The following CPNE6 variants were observed in gnomAD, a reference collection of about 807,000 sequenced individuals.
CPNE6 encodes the protein copine 6, also known as copine-6.
A neutral mutation model predicts 71.5 loss-of-function variants in CPNE6; 33 were observed. The observed-to-expected ratio is 0.46, with a 90% confidence interval of 0.35 to 0.62. The LOEUF is 0.62. Ranked by LOEUF, CPNE6 falls within the 20% of genes least tolerant of loss-of-function variation. The pLI, the probability that CPNE6 is intolerant of heterozygous loss-of-function variation, is 0.00. For missense variants in CPNE6, 576 were observed against 747.3 expected (o/e 0.77, Z 2.67); for synonymous variants, 296 against 293.0 (o/e 1.01, Z -0.10).
rs1427166412 is a variant in CPNE6, at chr14:24,073,668, C to A, written c.338C>A (p.Thr113Asn). The change falls in exon 4 of 18, where the codon ACC becomes AAC. Residue 113 changes from threonine to asparagine, a missense_variant. Physicochemically the swap from Thr to Asn is moderately conservative, Grantham distance 65 (BLOSUM62 0). Transcript: ENST00000397016. This position sits in a 1 kb window ranked among gnomAD's most constrained non-coding sequence, Gnocchi z 5.5. ...ACCTTCCTCGGCTCTACGGAGTGCA[C>A]CTTGGGCCAGGTCTGCATTCCCGGC... The A allele has an allele frequency of 6.2e-7, 1 of 1,612,844 alleles. No individual in the cohort carries two copies. The highest frequency in any genetic ancestry group is 1.7e-5 in the Admixed American group (1 of 59,952).
At chr14:24,076,970 G>A (rs750567428) in exon 15 of CPNE6, 20 of 1,612,578 alleles carry the variant, frequency 1.2e-5, no homozygotes, top group Non-Finnish European at 1.4e-5. Flanking sequence ...TCAACCGTGT[G>A]GCTGAGCCGG....
At chr14:24,071,673 C>T in intron 2 of CPNE6, 32 bp downstream of exon 1, 1 of 749,384 alleles carries the variant, frequency 1.3e-6, no homozygotes, top group Admixed American at 2.0e-5. Flanking sequence ...AGCCCAGCCC[C>T]AGCCCAGCCC....
At chr14:24,071,917 G>T in intron 2 of CPNE6, 1 of 406,630 alleles carries the variant, frequency 2.5e-6, no homozygotes, top group Non-Finnish European at 4.4e-6. Context: ...TCCCACTTCT[G>T]AGGGAGGTAC....
rs2036009567 is a variant in CPNE6 at position 24,074,864 on chromosome 14, G to A, written c.672+69G>A. The A allele has an allele frequency of 7.5e-7, 1 of 1,341,054 alleles. No individual in the cohort carries two copies. The highest frequency in any genetic ancestry group is 1.0e-6 in the Non-Finnish European group (1 of 953,922). The allele number at this position is 1,341,054 out of a possible 1,614,324, so 83.1% of individuals were successfully genotyped here. A position where few individuals can be genotyped will look rare whatever the true frequency, so the allele number is the denominator to read the frequency against. On this transcript the variant is annotated intron_variant, in intron 8 of 17. Transcript: ENST00000397016. This position sits in a 1 kb window ranked among gnomAD's most constrained non-coding sequence, Gnocchi z 4.5. ...ATCTGCTATCTAAGACCTTTCCCCTGCATGTGGCAAGCCTCCCTCCTCTCC... is the reference window on the plus strand; with the variant it reads ...ATCTGCTATCTAAGACCTTTCCCCTACATGTGGCAAGCCTCCCTCCTCTCC...
Position 24,075,096 on chromosome 14 carries a change from C to T in CPNE6, c.673-76C>T, listed in dbSNP as rs912952310. The stretch of plus-strand genomic sequence containing the variant: ...AGGCCCAAGTCCCCCTACTCCAAGT[C>T]CCCGAGTCCCCCTACTCACCGTGAA... On this transcript the variant is annotated intron_variant, in intron 8 of 17. Transcript: ENST00000397016. The surrounding 1 kb of genome is among the most constrained non-coding windows in gnomAD (Gnocchi z 4.3). The T allele has an allele frequency of 1.9e-6, 2 of 1,058,186 alleles. No individual in the cohort carries two copies. The allele number at this position is 1,058,186 out of a possible 1,614,324, so 65.5% of individuals were successfully genotyped here.
At chr14:24,071,445 C>T in intron 1 of CPNE6, 117 bp from the exon 1 acceptor site, 1 of 1,501,012 alleles carries the variant, frequency 6.7e-7, no homozygotes, top group East Asian at 2.5e-5. Context: ...GGCTGTGGCC[C>T]TGCCCCTTCC....
Position 24,077,736 on chromosome 14 carries a change from T to G in CPNE6, c.*6T>G, listed in dbSNP as rs2138857423. The G allele has an allele frequency of 6.6e-7, 1 of 1,517,324 alleles. No individual in the cohort carries two copies. Among genetic ancestry groups the G allele is most frequent in the Middle Eastern group, 1.8e-4 (1 of 5,596 alleles). The allele number at this position is 1,517,324 out of a possible 1,614,324, so 94.0% of individuals were successfully genotyped here. On this transcript the variant is annotated 3_prime_UTR_variant, in exon 17 of 18. Coordinates refer to ENST00000397016, the Ensembl canonical transcript of CPNE6. This position sits in a 1 kb window ranked among gnomAD's most constrained non-coding sequence, Gnocchi z 6.1. ...CTCCCAGCCCTAGCCCGTGACTGCC[T>G]CCCTCCGGACCGACACTCCCTCAGC...
chr14:24,074,232 GA>G lies in CPNE6; in HGVS notation c.424-58del, dbSNP rs1289499891. 4.4e-6 allele frequency: 7 copies of G among 1,600,970 alleles called. No homozygotes were observed. The African/African-American group carries it at 6.7e-5, about 15-fold the overall frequency. ...GACCACCCCCACCTAAGGGAAAGGG[GA>G]TGGGGTGGCCCTTGTGGTAAGGTTA... is the stretch of plus-strand genomic sequence containing the variant. On this transcript the variant is annotated intron_variant, in intron 5 of 17. Coordinates refer to ENST00000397016, the Ensembl canonical transcript of CPNE6. The surrounding 1 kb of genome is among the most constrained non-coding windows in gnomAD (Gnocchi z 4.5).
intron 14 of CPNE6, 98 bp downstream of exon 13, chr14:24,076,655 C>T (rs748135317): frequency 3.9e-6 from 6 of 1,536,472 alleles, no homozygotes; most frequent in South Asian, 3.4e-5. Flanking sequence ...CTGTCCCTTC[C>T]ACCCATCCCA....
In CPNE6 at chr14:24,074,068, G is replaced by A. The variant is rs767735124; in HGVS notation, c.366G>A (p.Lys122=). The change falls in exon 5 of 18, where the codon AAG becomes AAA. Residue 122 remains lysine, a synonymous_variant. Transcript: ENST00000397016. This position sits in a 1 kb window ranked among gnomAD's most constrained non-coding sequence, Gnocchi z 4.5. ...ATCCCCAGATTGTGTCACAAACCAA[G>A]GTCACTAAGCCATTATTGCTGAAGA... is the stretch of plus-strand genomic sequence containing the variant. 3.7e-6 allele frequency: 6 copies of A among 1,614,030 alleles called. 1 individual carries two copies. In the Middle Eastern group the frequency reaches 6.6e-4, roughly 177 times the overall value.
At position 24,077,349 on chromosome 14, in the gene CPNE6, C is replaced by G. The variant is rs752123761; in HGVS notation, c.1495C>G (p.Arg499Gly). Residue 499 changes from arginine (R) to glycine (G), a missense_variant, in exon 16 of 18, where the codon CGA becomes GGA. Transcript: ENST00000397016. This position sits in a 1 kb window ranked among gnomAD's most constrained non-coding sequence, Gnocchi z 6.1. Reference sequence around the variant, plus strand: ...CTGCCCCCGAGGGGTGCCTGCAGCCCGAGACATTGTCCAGTTCGTGCCCTT... The same window carrying G: ...CTGCCCCCGAGGGGTGCCTGCAGCCGGAGACATTGTCCAGTTCGTGCCCTT... 1 of 1,613,942 alleles carries G rather than the reference C, an allele frequency of 6.2e-7. No individual in the cohort carries two copies. Among genetic ancestry groups the G allele is most frequent in the Non-Finnish European group, 8.5e-7 (1 of 1,179,988 alleles).
chr14:24,072,789 A>G, intron 2 of CPNE6, 144 bp from the exon 2 acceptor site: 1 of 652,614 alleles, frequency 1.5e-6, no homozygotes, highest in East Asian at 3.4e-5. Context: ...AACTCTGGTG[A>G]AGCTGAGGAA....
In CPNE6 at chr14:24,077,938, G is replaced by GA. The variant is rs1229713513; in HGVS notation, c.*89dup. On this transcript the variant is annotated 3_prime_UTR_variant, in exon 18 of 18. Coordinates refer to ENST00000397016, the Ensembl canonical transcript of CPNE6. The surrounding 1 kb of genome is among the most constrained non-coding windows in gnomAD (Gnocchi z 6.1). The stretch of plus-strand genomic sequence containing the variant: ...CAGTGACCAATGCCTCCACCTCTTG[G>GA]ACCAGGTGTGCCCCCTGGGTTCTGG... 57 of 488,648 alleles carry GA rather than the reference G, an allele frequency of 1.2e-4. No homozygotes were observed. The highest frequency in any genetic ancestry group is 6.6e-5 in the Non-Finnish European group (19 of 286,540). The allele number at this position is 488,648 out of a possible 1,614,324, so 30.3% of individuals were successfully genotyped here. A position where few individuals can be genotyped will look rare whatever the true frequency, so the allele number is the denominator to read the frequency against.
At position 24,073,600 on chromosome 14, in the gene CPNE6, C is replaced by A; in HGVS notation, c.270C>A (p.His90Gln). ...AGGAGAAGCAGCCCCTGCAGTTCCA[C>A]GTGTTCGATGCCGAGGACGGAGCCA... The change falls in exon 4 of 18, where the codon CAC (histidine) becomes CAA (glutamine). Residue 90 changes from histidine (H) to glutamine (Q), a missense_variant. Physicochemically the swap from His to Gln is conservative, Grantham distance 24 (BLOSUM62 0). Around this residue, in one of 4 missense-constraint regions of CPNE6, gnomAD observed 214 missense variants for 291.2 expected, o/e 0.73. Coordinates refer to ENST00000397016, the Ensembl canonical transcript of CPNE6. This position sits in a 1 kb window ranked among gnomAD's most constrained non-coding sequence, Gnocchi z 5.5. The A allele has an allele frequency of 6.2e-7, 1 of 1,614,058 alleles. No homozygotes were observed. Among genetic ancestry groups the A allele is most frequent in the Non-Finnish European group, 8.5e-7 (1 of 1,180,032 alleles).
intron 1 of CPNE6, 186 bp from the exon 1 acceptor site, chr14:24,071,376 T>A: frequency 6.9e-7 from 1 of 1,444,024 alleles, no homozygotes; most frequent in Non-Finnish European, 9.1e-7. Flanking sequence ...TCTGTGGGGG[T>A]CCTGCCTCTA....
Position 24,075,730 on chromosome 14 carries a change from A to T in CPNE6, c.865-97A>T. ...ACCACCCCCAACTGCAACCCAAAAA[A>T]CTCTGGCTCCCCCATGTTCCCCACA... On this transcript the variant is annotated intron_variant, in intron 10 of 17. Transcript: ENST00000397016. The surrounding 1 kb of genome is among the most constrained non-coding windows in gnomAD (Gnocchi z 4.3). 1 of 1,393,992 alleles carries T rather than the reference A, an allele frequency of 7.2e-7. No homozygotes were observed. The highest frequency in any genetic ancestry group is 1.0e-6 in the Non-Finnish European group (1 of 992,628). The allele number at this position is 1,393,992 out of a possible 1,614,324, so 86.4% of individuals were successfully genotyped here.
At position 24,075,096 on chromosome 14, in the gene CPNE6, C is replaced by A. The variant is rs912952310; in HGVS notation, c.673-76C>A. 19 of 1,058,182 alleles carry A rather than the reference C, an allele frequency of 1.8e-5. No homozygotes were observed. The highest frequency in any genetic ancestry group is 3.4e-5 in the Admixed American group (2 of 58,788). The allele number at this position is 1,058,182 out of a possible 1,614,324, so 65.5% of individuals were successfully genotyped here. A position where few individuals can be genotyped will look rare whatever the true frequency, so the allele number is the denominator to read the frequency against. On this transcript the variant is annotated intron_variant, in intron 8 of 17. Coordinates refer to ENST00000397016, the Ensembl canonical transcript of CPNE6. This position sits in a 1 kb window ranked among gnomAD's most constrained non-coding sequence, Gnocchi z 4.3. ...AGGCCCAAGTCCCCCTACTCCAAGTCCCCGAGTCCCCCTACTCACCGTGAA... is the reference window on the plus strand; with the variant it reads ...AGGCCCAAGTCCCCCTACTCCAAGTACCCGAGTCCCCCTACTCACCGTGAA...
intron 1 of CPNE6, 190 bp from the exon 1 acceptor site, chr14:24,071,372 G>C (rs1433270055): frequency 1.4e-6 from 2 of 1,444,264 alleles, no homozygotes; most frequent in Non-Finnish European, 1.8e-6. Flanking sequence ...TGTGTCTGTG[G>C]GGGTCCTGCC....
chr14:24,077,346 G>A lies in CPNE6; in HGVS notation c.1492G>A (p.Ala498Thr). 6.2e-7 allele frequency: 1 copy of A among 1,613,950 alleles called. No individual in the cohort carries two copies. The change falls in exon 16 of 18, where the codon GCC becomes ACC. Residue 498 changes from alanine (A) to threonine (T), a missense_variant. Coordinates refer to ENST00000397016, the Ensembl canonical transcript of CPNE6. This position sits in a 1 kb window ranked among gnomAD's most constrained non-coding sequence, Gnocchi z 6.1. ...GCGCTGCCCCCGAGGGGTGCCTGCA[G>A]CCCGAGACATTGTCCAGTTCGTGCC...
Sources: allele counts gnomAD v4.1 joint callset, GRCh38; gene constraint gnomAD v4.1.1; regional missense constraint gnomAD v4.1.1; non-coding constraint Gnocchi (gnomAD v3.1); transcripts MANE v1.5; gene names NCBI Gene and HGNC (gene_info 2026-07-23, HGNC 2026-07-21).